Variants in RABEP2 observed in about 807,000 individuals in gnomAD.
RABEP2 encodes the protein rab GTPase-binding effector protein 2.
A neutral mutation model predicts 74.1 loss-of-function variants in RABEP2; 57 were observed. The ratio of observed to expected loss-of-function variants is 0.77; its 90% CI spans 0.62 to 0.96. RABEP2 has a LOEUF of 0.96. RABEP2 is among the 40% of genes least tolerant of loss of function. The probability of loss-of-function intolerance (pLI) is 0.00; values close to 1 mark genes in which losing one functional copy is unlikely to be tolerated. For missense variants in RABEP2, 692 were observed against 756.3 expected, an observed-to-expected ratio of 0.91 and a Z score of 1.00; for synonymous variants, 351 against 344.0, an observed-to-expected ratio of 1.02 and a Z score of -0.23.
Position 28,904,820 on chromosome 16 carries a change from G to A in RABEP2, c.*123C>T. On this transcript the variant is annotated 3_prime_UTR_variant, in exon 13 of 13. Transcript: ENST00000358201. ...GGCGGGGCGGTGGTGGCCCCCGTCA[G>A]TCCCCTCAACCCCAGTCTCAGGGAC... The A allele has an allele frequency of 1.3e-6, 1 of 785,162 alleles. No individual in the cohort carries two copies. Among genetic ancestry groups the A allele is most frequent in the Non-Finnish European group, 2.0e-6 (1 of 499,664 alleles). The allele number at this position is 785,162 out of a possible 1,614,324, so 48.6% of individuals were successfully genotyped here.
In RABEP2 at chr16:28,924,553, G is replaced by A. The variant is rs372658045; in HGVS notation, c.124C>T (p.Arg42Trp). The change falls in exon 2 of 13, where the codon CGG (arginine) becomes TGG (tryptophan). Residue 42 changes from arginine to tryptophan, a missense_variant. By Grantham distance (101) the Arg-to-Trp change is moderately radical. Coordinates refer to ENST00000358201, the MANE Select transcript of RABEP2 (RefSeq NM_024816.3). Reference sequence around the variant, plus strand: ...GCGCCTGCCAGCTCAGCCCGAAGCCGGCTGAGCTCACCTGACTCGGCCTCA... The same window carrying A: ...GCGCCTGCCAGCTCAGCCCGAAGCCAGCTGAGCTCACCTGACTCGGCCTCA... ...NGEAESGELS[R>W]LRAELAGALA... is the part of the protein sequence containing the mutation. The A allele has an allele frequency of 6.2e-7, 1 of 1,613,700 alleles. No homozygotes were observed. The highest frequency in any genetic ancestry group is 8.5e-7 in the Non-Finnish European group (1 of 1,180,040).
chr16:28,917,142 G>A (rs1410090261), intron 3 of RABEP2, among the ~76,000 whole-genome samples: 3 of 151,926 alleles, frequency 2.0e-5, no homozygotes, highest in Non-Finnish European at 4.4e-5. Context: ...TTCAAGCTTC[G>A]GATCCTGCTG....
rs755573116 is a variant in RABEP2, at chr16:28,925,179, G to A, written c.-16C>T. ...CTGCCGCCATTGCCTCAGCGCAAAC[G>A]GCGGATTCCCGCACTCCCTGGTGAC... On this transcript the variant is annotated 5_prime_UTR_variant, in exon 1 of 13. Transcript: ENST00000358201. 2.2e-5 allele frequency: 34 copies of A among 1,526,852 alleles called. No individual in the cohort carries two copies. The highest frequency in any genetic ancestry group is 1.7e-4 in the East Asian group (7 of 40,316). The allele number at this position is 1,526,852 out of a possible 1,614,324, so 94.6% of individuals were successfully genotyped here. A position where few individuals can be genotyped will look rare whatever the true frequency, so the allele number is the denominator to read the frequency against.
Position 28,905,962 on chromosome 16 carries a change from T to TG in RABEP2, c.1423+56dup, listed in dbSNP as rs1964222234. On this transcript the variant is annotated intron_variant, in intron 9 of 12. Coordinates refer to ENST00000358201, the MANE Select transcript of RABEP2 (RefSeq NM_024816.3). ...CCACGCCTGGGCCCCGGTGGCTCCC[T>TG]GCAAGGCCGACAGGGGCCCTGGGCC... 8 of 1,612,116 alleles carry TG rather than the reference T, an allele frequency of 5.0e-6. No homozygotes were observed. The East Asian group carries it at 1.8e-4, about 36-fold the overall frequency.
intron 8 of RABEP2, 63 bp from the exon 9 acceptor site, chr16:28,906,259 C>T: frequency 1.4e-6 from 2 of 1,479,690 alleles, no homozygotes; most frequent in Admixed American, 2.5e-5. Context: ...CAGGGGCCAC[C>T]AGCCAGACGG....
Position 28,914,440 on chromosome 16 carries a change from G to C in RABEP2, c.690C>G (p.Asp230Glu). 6.2e-7 allele frequency: 1 copy of C among 1,613,600 alleles called. No individual in the cohort carries two copies. The highest frequency in any genetic ancestry group is 2.2e-5 in the East Asian group (1 of 44,882). The part of the protein sequence containing the change: ...AAEAFAHNCD[D>E]SASISSFSLG... ...GGGAGAAGGAGGAGATGGAGGCGCT[G>C]TCATCGCAGTTGTGAGCGAAGGCCT... The change falls in exon 5 of 13, where the codon GAC (aspartate) becomes GAG (glutamate). Residue 230 changes from aspartate (D) to glutamate (E), a missense_variant. Coordinates refer to ENST00000358201, the MANE Select transcript of RABEP2 (RefSeq NM_024816.3).
intron 2 of RABEP2, among the ~76,000 whole-genome samples, chr16:28,921,642 CAT>C (rs1458352316): frequency 7.5e-6 from 1 of 133,456 alleles, no homozygotes; most frequent in Non-Finnish European, 1.5e-5. Flanking sequence ...TTGGATAGAA[CAT>C]AGATTTTTTT....
intron 3 of RABEP2, among the ~76,000 whole-genome samples, chr16:28,917,489 G>C (rs183242096): frequency 1.3e-5 from 2 of 151,926 alleles, no homozygotes; most frequent in Non-Finnish European, 2.9e-5. Flanking sequence ...GTATGATCTC[G>C]GCTCACTGCA....
intron 7 of RABEP2, among the ~76,000 whole-genome samples, chr16:28,909,812 C>A (rs1418325271): frequency 6.6e-6 from 1 of 151,452 alleles, no homozygotes; most frequent in Non-Finnish European, 1.5e-5. Context: ...ATCACGAGGT[C>A]AGGAGATCGA....
At chr16:28,914,918 G>C in intron 3 of RABEP2, 136 bp from the exon 4 acceptor site, 1 of 707,746 alleles carries the variant, frequency 1.4e-6, no homozygotes, top group Non-Finnish European at 2.3e-6. Context: ...TCATTCCAGA[G>C]ATAAGAACAC....
chr16:28,906,427 G>A lies in RABEP2; in HGVS notation c.1246-231C>T, dbSNP rs1217748312. Among the ~76,000 whole-genome samples, 7 of 152,294 alleles carry A rather than the reference G, an allele frequency of 4.6e-5. No homozygotes were observed. The South Asian group carries it at 6.2e-4, about 14-fold the overall frequency. ...GACCATGCCCCACACCGTGGAGAGC[G>A]CTCAGGAAGAGTCCCAACCATAAAG... On this transcript the variant is annotated intron_variant, in intron 8 of 12. Transcript: ENST00000358201.
In RABEP2 at chr16:28,905,720, T is replaced by G. The variant is rs1351526474; in HGVS notation, c.1475A>C (p.Gln492Pro). Reference sequence around the variant, plus strand: ...CCCCCTCACCTTGCTCTGTTCCTGCTGCACCCGCTCCATCTCTGTCCTCAG... The same window carrying G: ...CCCCCTCACCTTGCTCTGTTCCTGCGGCACCCGCTCCATCTCTGTCCTCAG... ...CSLRTEMERV[Q>P]QEQSKAQLPD... is the part of the protein sequence containing the mutation. Residue 492 changes from glutamine to proline, a missense_variant, in exon 11 of 13, where the codon CAG (glutamine) becomes CCG (proline). Transcript: ENST00000358201. The G allele has an allele frequency of 6.2e-7, 1 of 1,613,922 alleles. No individual in the cohort carries two copies. The highest frequency in any genetic ancestry group is 2.2e-5 in the East Asian group (1 of 44,854).
Position 28,914,693 on chromosome 16 carries a change from C to T in RABEP2, c.522G>A (p.Glu174=), listed in dbSNP as rs1310816603. The change falls in exon 4 of 13, where the codon GAG becomes GAA. Residue 174 remains glutamate (E), a synonymous_variant. Coordinates refer to ENST00000358201, the MANE Select transcript of RABEP2 (RefSeq NM_024816.3). The stretch of plus-strand genomic sequence containing the variant: ...TCACCTGGATCTCCTGAATCAGCTC[C>T]TCGGCCCTCAGCAGCTTCGCCTTCA... The part of the protein sequence containing the change: ...EELKAKLLRA[E]ELIQEIQRRP... The T allele has an allele frequency of 6.2e-7, 1 of 1,614,072 alleles. No individual in the cohort carries two copies. Among genetic ancestry groups the T allele is most frequent in the South Asian group, 1.1e-5 (1 of 91,082 alleles).
chr16:28,914,450 T>C lies in RABEP2; in HGVS notation c.680A>G (p.Asn227Ser), dbSNP rs760009814. The change falls in exon 5 of 13, where the codon AAC becomes AGC. Residue 227 changes from asparagine (N) to serine (S), a missense_variant. Coordinates refer to ENST00000358201, the MANE Select transcript of RABEP2 (RefSeq NM_024816.3). ...GGPAAEAFAH[N>S]CDDSASISSF... ...GGAGATGGAGGCGCTGTCATCGCAG[T>C]TGTGAGCGAAGGCCTCAGCGGCTGG... is the stretch of plus-strand genomic sequence containing the variant. 2 of 1,613,488 alleles carry C rather than the reference T, an allele frequency of 1.2e-6. No individual in the cohort carries two copies. Among genetic ancestry groups the C allele is most frequent in the Non-Finnish European group, 1.7e-6 (2 of 1,179,928 alleles).
intron 1 of RABEP2, chr16:28,924,820 CCA>C (rs1276219888): frequency 1.5e-6 from 1 of 650,308 alleles, no homozygotes; most frequent in Non-Finnish European, 2.8e-6. Flanking sequence ...TTCGCGGTGG[CCA>C]GTTTCACTCA....
intron 3 of RABEP2, 82 bp from the exon 4 acceptor site, chr16:28,914,864 G>A (rs1429171260): frequency 1.7e-6 from 2 of 1,176,894 alleles, no homozygotes; most frequent in African/African-American, 1.5e-5. Flanking sequence ...TCCTCTCCAA[G>A]CACATCAGCT....
intron 5 of RABEP2, among the ~76,000 whole-genome samples, chr16:28,912,117 G>T (rs186305881): frequency 2.8e-3 from 426 of 151,846 alleles, no homozygotes; most frequent in Non-Finnish European, 5.1e-3. Context: ...GTGGTGGCAG[G>T]CGCCTGTAGT....
intron 7 of RABEP2, 65 bp downstream of exon 7, chr16:28,910,823 C>T (rs1229448888): frequency 2.1e-6 from 3 of 1,406,814 alleles, no homozygotes; most frequent in Admixed American, 1.8e-5. Context: ...TGCCCCCTTC[C>T]ACCACGTGCA....
intron 2 of RABEP2, among the ~76,000 whole-genome samples, chr16:28,922,039 A>C (rs1964474084): frequency 6.6e-6 from 1 of 152,030 alleles, no homozygotes; most frequent in East Asian, 1.9e-4. Flanking sequence ...TGGTGCAATC[A>C]TAGTTCACTG....
Sources: gnomAD v4.1 joint callset for allele counts (sites outside exome capture counted in the v4.1 genomes callset) on GRCh38, gnomAD v4.1.1 for gene constraint, MANE v1.5 for transcripts, NCBI Gene and HGNC (gene_info 2026-07-23, HGNC 2026-07-21) for gene names.